Variants in CSMD1 observed in about 807,000 individuals in gnomAD.
CSMD1 encodes CUB and Sushi multiple domains 1, also known as CUB and sushi domain-containing protein 1.
Under a neutral mutation model 417.5 loss-of-function variants are expected in CSMD1, and 213 were observed. That is an observed-to-expected ratio of 0.51 (90% confidence interval 0.46 to 0.57). CSMD1 has a LOEUF of 0.57. CSMD1 is among the 20% of genes least tolerant of loss of function. The pLI is 0.00. For synonymous variants in CSMD1, 2,862 were observed against 1,736.8 expected, an observed-to-expected ratio of 1.65 and a Z score of -16.11; for missense variants, 6,923 against 4,529.7, an observed-to-expected ratio of 1.53 and a Z score of -15.17.
chr8:4,867,652 T>A (rs759255425), intron 1 of CSMD1, among the ~76,000 whole-genome samples: 1 of 152,084 alleles, frequency 6.6e-6, no homozygotes, highest in Non-Finnish European at 1.5e-5. Context: ...AGATTGGAAA[T>A]AGAATGATGG....
At chr8:3,116,755 T>A (rs1051383193) in intron 42 of CSMD1, among the ~76,000 whole-genome samples, 1 of 152,152 alleles carries the variant, frequency 6.6e-6, no homozygotes, top group Non-Finnish European at 1.5e-5. Flanking sequence ...TAATTGTAGT[T>A]TTTTTTAAAT....
intron 41 of CSMD1, among the ~76,000 whole-genome samples, chr8:3,132,188 A>G (rs1817827871): frequency 6.6e-6 from 1 of 152,180 alleles, no homozygotes; most frequent in Non-Finnish European, 1.5e-5. Context: ...CAGATATCTC[A>G]GTCACAGAGA....
chr8:3,924,619 A>G lies in CSMD1; in HGVS notation c.818+73284T>C, dbSNP rs181724124. ...ATCTGTCTTATATTTCACTAATTCT[A>G]TTTTCTGATTGGTTGAGTCTGCTGT... On this transcript the variant is annotated intron_variant, in intron 5 of 69. Transcript: ENST00000635120. 1.4e-3 allele frequency among the ~76,000 whole-genome samples: 210 copies of G among 151,838 alleles called. 1 individual carries two copies. The highest frequency in any genetic ancestry group is 2.5e-3 in the South Asian group (12 of 4,810).
At chr8:3,732,138 C>G (rs560235166) in intron 6 of CSMD1, among the ~76,000 whole-genome samples, 3 of 152,312 alleles carry the variant, frequency 2.0e-5, no homozygotes, top group African/African-American at 7.2e-5. Context: ...CTAGCGGAAG[C>G]CACGGGCAAG....
chr8:4,376,428 G>T (rs144309324), intron 3 of CSMD1, among the ~76,000 whole-genome samples: 1 of 151,856 alleles, frequency 6.6e-6, no homozygotes, highest in East Asian at 1.9e-4. Context: ...TTTTCTTTAC[G>T]TTTCAAAATA....
chr8:4,071,716 T>C (rs1799567953), intron 3 of CSMD1, among the ~76,000 whole-genome samples: 1 of 152,224 alleles, frequency 6.6e-6, no homozygotes, highest in African/African-American at 2.4e-5. Context: ...TAGACTCTGT[T>C]ATGCTCCTCC....
At position 4,437,943 on chromosome 8, in the gene CSMD1, C is replaced by T. The variant is rs76484994; in HGVS notation, c.303-17878G>A. ...ACATCAACCTGCTTAAAGTAATTCTCTAAGTGTTTTCCATGTATTTTCTCA... is the reference window on the plus strand; with the variant it reads ...ACATCAACCTGCTTAAAGTAATTCTTTAAGTGTTTTCCATGTATTTTCTCA... On this transcript the variant is annotated intron_variant, in intron 2 of 69. Transcript: ENST00000635120. Among the ~76,000 whole-genome samples the T allele has an allele frequency of 2.2e-3, 339 of 152,270 alleles. 5 individuals are homozygous for T. In the East Asian group the frequency reaches 0.036, roughly 16 times the overall value.
intron 5 of CSMD1, among the ~76,000 whole-genome samples, chr8:3,919,082 T>A (rs2948650): frequency 0.22 from 33,227 of 151,212 alleles, 4,680 homozygotes; most frequent in African/African-American, 0.39. Flanking sequence ...CATAGGGTGA[T>A]TTTTCATTTT....
chr8:3,436,307 G>A (rs956607882), intron 12 of CSMD1, among the ~76,000 whole-genome samples: 4 of 152,114 alleles, frequency 2.6e-5, no homozygotes, highest in African/African-American at 9.7e-5. Context: ...GTACAAAAAG[G>A]TGAGAAAGTC....
intron 5 of CSMD1, among the ~76,000 whole-genome samples, chr8:3,760,112 G>C (rs977365260): frequency 5.9e-5 from 9 of 152,052 alleles, no homozygotes; most frequent in African/African-American, 9.7e-5. Context: ...GAGAAAAAGA[G>C]TAAAAGAGTA....
intron 3 of CSMD1, among the ~76,000 whole-genome samples, chr8:4,162,915 T>G (rs2552090): frequency 0.99 from 149,987 of 152,250 alleles, 73,917 homozygotes; most frequent in East Asian, 1. Context: ...TCCAACCCTT[T>G]GCAACCACTG....
At chr8:3,627,776 T>A (rs1003451107) in intron 7 of CSMD1, among the ~76,000 whole-genome samples, 4 of 152,168 alleles carry the variant, frequency 2.6e-5, no homozygotes, top group African/African-American at 9.7e-5. Context: ...AAAGTGAGGG[T>A]TGGAATTTCA....
intron 25 of CSMD1, among the ~76,000 whole-genome samples, chr8:3,306,332 C>T (rs988112252): frequency 2.0e-5 from 3 of 152,194 alleles, no homozygotes; most frequent in Non-Finnish European, 4.4e-5. Flanking sequence ...TGCCACCATG[C>T]CCAGATGCTT....
intron 3 of CSMD1, among the ~76,000 whole-genome samples, chr8:4,135,116 G>A (rs539621561): frequency 6.6e-6 from 1 of 152,130 alleles, no homozygotes; most frequent in Non-Finnish European, 1.5e-5. Context: ...TTGCATAAAT[G>A]TTCTTGACGC....
At chr8:3,644,133 C>G (rs1797455664) in intron 7 of CSMD1, among the ~76,000 whole-genome samples, 1 of 152,170 alleles carries the variant, frequency 6.6e-6, no homozygotes, top group South Asian at 2.1e-4. Context: ...AAGTTGTTAT[C>G]AATGCAAATT....
Position 4,503,183 on chromosome 8 carries a change from G to A in CSMD1, c.303-83118C>T, listed in dbSNP as rs112768832. On this transcript the variant is annotated intron_variant, in intron 2 of 69. Transcript: ENST00000635120. ...TAATATATAGTCTCTCTTATCATCC[G>A]TCTAAGCCAGGTAATTCCTCTTGTA... Among the ~76,000 whole-genome samples the A allele has an allele frequency of 5.5e-3, 832 of 152,124 alleles. 7 individuals are homozygous for A. Among genetic ancestry groups the A allele is most frequent in the African/African-American group, 0.019 (780 of 41,494 alleles).
At chr8:4,012,522 C>T (rs1014055913) in intron 4 of CSMD1, among the ~76,000 whole-genome samples, 8 of 152,132 alleles carry the variant, frequency 5.3e-5, no homozygotes, top group African/African-American at 1.7e-4. Flanking sequence ...ATGATCCCTA[C>T]ACCCAGGTAG....
chr8:3,514,728 C>A (rs941216407), intron 10 of CSMD1, among the ~76,000 whole-genome samples: 1 of 152,038 alleles, frequency 6.6e-6, no homozygotes, highest in Non-Finnish European at 1.5e-5. Flanking sequence ...GATATTAATA[C>A]TATTTTTTCA....
intron 3 of CSMD1, among the ~76,000 whole-genome samples, chr8:4,166,703 A>G (rs1460193475): frequency 6.6e-6 from 1 of 152,140 alleles, no homozygotes; most frequent in Non-Finnish European, 1.5e-5. Flanking sequence ...AATCAGCTCT[A>G]AAGAACATAT....
Sources: gnomAD v4.1 joint callset for allele counts (sites outside exome capture counted in the v4.1 genomes callset) on GRCh38, gnomAD v4.1.1 for gene constraint, MANE v1.5 for transcripts, NCBI Gene and HGNC (gene_info 2026-07-23, HGNC 2026-07-21) for gene names.